COA1: variants seen among roughly 807,000 people sequenced by gnomAD.
COA1 encodes the protein cytochrome c oxidase assembly factor 1 homolog.
In COA1, 13 loss-of-function variants were observed where a neutral mutation model predicts 16.0. That is an observed-to-expected ratio of 0.81 (90% CI 0.53 to 1.29). COA1 has a LOEUF of 1.29. COA1 is among the 50% of genes most tolerant of loss of function. The pLI is 0.00. For missense variants in COA1, 179 were observed against 177.0 expected (o/e 1.01, Z -0.06); for synonymous variants, 65 against 65.7 (o/e 0.99, Z 0.05).
At chr7:43,707,982 C>T (rs2095062078) in intron 1 of COA1, among the ~76,000 whole-genome samples, 6 of 152,174 alleles carry the variant, frequency 3.9e-5, no homozygotes. Context: ...GGCATGGTGG[C>T]TCATGCCTAT....
intron 6 of COA1, chr7:43,624,606 C>G (rs1178714966): frequency 1.2e-6 from 2 of 1,613,976 alleles, no homozygotes; most frequent in Non-Finnish European, 1.7e-6. Flanking sequence ...GGAAAAGGCA[C>G]TAGAAGAAGC....
intron 1 of COA1, among the ~76,000 whole-genome samples, chr7:43,727,374 C>T (rs776245480): frequency 9.9e-5 from 15 of 152,096 alleles, no homozygotes; most frequent in Non-Finnish European, 1.9e-4. Flanking sequence ...TAGGCACATA[C>T]GCAAGAGAAA....
intron 1 of COA1, among the ~76,000 whole-genome samples, chr7:43,691,345 GA>G (rs2094317483): frequency 4.2e-4 from 4 of 9,606 alleles, no homozygotes; most frequent in Non-Finnish European, 8.8e-4. Context: ...GAGAGAGAGG[GA>G]GGGAGGGAGG....
chr7:43,688,957 C>A (rs537835037), intron 1 of COA1, among the ~76,000 whole-genome samples: 1 of 152,196 alleles, frequency 6.6e-6, no homozygotes, highest in Non-Finnish European at 1.5e-5. Context: ...ATGTGCCCAG[C>A]TACAAATTAC....
chr7:43,695,656 A>C (rs2094504190), intron 1 of COA1, among the ~76,000 whole-genome samples: 1 of 152,090 alleles, frequency 6.6e-6, no homozygotes, highest in African/African-American at 2.4e-5. Flanking sequence ...AAATTAGAGA[A>C]ATATGAAAAG....
intron 6 of COA1, among the ~76,000 whole-genome samples, chr7:43,619,425 C>T (rs2083645824): frequency 6.6e-6 from 1 of 152,172 alleles, no homozygotes; most frequent in Admixed American, 6.5e-5. Context: ...GAGTACAGGC[C>T]TGCTGCCTTA....
intron 6 of COA1, among the ~76,000 whole-genome samples, chr7:43,609,851 T>C (rs74798196): frequency 0.023 from 3,464 of 152,318 alleles, 114 homozygotes; most frequent in African/African-American, 0.077. Context: ...GATCATCTAC[T>C]GATCTACCTT....
intron 3 of COA1, 86 bp from the exon 4 acceptor site, chr7:43,645,485 G>A (rs138647592): frequency 1.6e-4 from 193 of 1,201,924 alleles, no homozygotes; most frequent in South Asian, 1.3e-3. Flanking sequence ...TCCAACTGAC[G>A]TACAGGGTAG....
chr7:43,665,622 G>C (rs1382653244), intron 1 of COA1: 1 of 152,172 alleles, frequency 6.6e-6, no homozygotes, highest in East Asian at 1.9e-4. Flanking sequence ...ACCTGAGACT[G>C]AATAATTATA....
chr7:43,645,233 G>T lies in COA1; in HGVS notation c.264+18C>A. On this transcript the variant is annotated intron_variant, in intron 4 of 5. Coordinates refer to ENST00000223336, the MANE Select transcript of COA1 (RefSeq NM_018224.4). ...TTCAGCAGGCACCAGCCTGCGGTTC[G>T]CAGGGAAAGCACATTACCTTGGCAT... 1.2e-6 allele frequency: 2 copies of T among 1,612,522 alleles called. No homozygotes were observed. Among genetic ancestry groups the T allele is most frequent in the Non-Finnish European group, 1.7e-6 (2 of 1,179,156 alleles).
chr7:43,691,383 GGAAGGAAGGA>G lies in COA1; in HGVS notation c.-39+38036_-39+38045del, dbSNP rs1353247063. Among the ~76,000 whole-genome samples the G allele has an allele frequency of 2.2e-4, 21 of 93,772 alleles. 1 individual carries two copies. In the East Asian group the frequency reaches 5.6e-3, roughly 25 times the overall value. 61.5% of individuals were successfully genotyped at this position (93,772 alleles called of 152,430 possible). ...AGGGAGGGAGGGAGGGAGGGAGGAA[GGAAGGAAGGA>G]AGGAAGGAAGGAAGGAAGGAAGAAA... On this transcript the variant is annotated intron_variant, in intron 1 of 5. Transcript: ENST00000223336.
At chr7:43,679,332 G>T (rs1200139401) in intron 1 of COA1, among the ~76,000 whole-genome samples, 1 of 150,554 alleles carries the variant, frequency 6.6e-6, no homozygotes, top group Non-Finnish European at 1.5e-5. Context: ...AAAGTACAAG[G>T]AGAATGAAAA....
chr7:43,668,772 T>C (rs1157925491), intron 1 of COA1, among the ~76,000 whole-genome samples: 2 of 152,192 alleles, frequency 1.3e-5, no homozygotes, highest in African/African-American at 4.8e-5. Flanking sequence ...GGTTTCTTTG[T>C]TTGGGAAATA....
chr7:43,624,948 C>A (rs2084340641), intron 6 of COA1: 1 of 1,007,020 alleles, frequency 9.9e-7, no homozygotes, highest in Non-Finnish European at 1.4e-6. Context: ...TAACCAGTAT[C>A]ACTTACACAA....
At chr7:43,721,697 G>A (rs541587018) in intron 1 of COA1, among the ~76,000 whole-genome samples, 1 of 152,146 alleles carries the variant, frequency 6.6e-6, no homozygotes, top group South Asian at 2.1e-4. Context: ...CAACTATTCT[G>A]CATCCTGACT....
intron 1 of COA1, among the ~76,000 whole-genome samples, chr7:43,661,504 G>A (rs1272840103): frequency 2.6e-5 from 4 of 152,104 alleles, no homozygotes; most frequent in African/African-American, 7.2e-5. Flanking sequence ...GCGTGGTGGC[G>A]GGCGCCTGTA....
In COA1 at chr7:43,675,087, A is replaced by G. The variant is rs760908169; in HGVS notation, c.-38-26435T>C. On this transcript the variant is annotated intron_variant, in intron 1 of 5. Coordinates refer to ENST00000223336, the MANE Select transcript of COA1 (RefSeq NM_018224.4). ...AATACTCTGTCAGGCTATAGAATAA[A>G]TAAGTGCACTCACTGTAACACCATC... Among the ~76,000 whole-genome samples the G allele has an allele frequency of 4.7e-4, 72 of 152,244 alleles. 1 individual carries two copies. Among genetic ancestry groups the G allele is most frequent in the Non-Finnish European group, 1.3e-4 (9 of 68,042 alleles).
At chr7:43,663,908 T>C (rs1486736534) in intron 1 of COA1, among the ~76,000 whole-genome samples, 1 of 151,910 alleles carries the variant, frequency 6.6e-6, no homozygotes, top group Non-Finnish European at 1.5e-5. Flanking sequence ...CTCAGGAGTT[T>C]GAGACCAGTC....
intron 6 of COA1, chr7:43,625,609 TC>T (rs1465556223): frequency 1.3e-5 from 2 of 152,532 alleles, no homozygotes; most frequent in Non-Finnish European, 2.9e-5. Flanking sequence ...CCCTGCCACT[TC>T]CTGGCACCTC....
Sources: allele counts gnomAD v4.1 joint callset (sites outside exome capture counted in the v4.1 genomes callset), GRCh38; gene constraint gnomAD v4.1.1; transcripts MANE v1.5; gene names NCBI Gene and HGNC (gene_info 2026-07-23, HGNC 2026-07-21).